The following ERBB4 variants were observed in gnomAD, a reference collection of about 807,000 sequenced individuals.
The protein encoded by ERBB4 is receptor tyrosine-protein kinase erbB-4.
ERBB4 carries 42 observed loss-of-function variants against 158.0 expected under a neutral mutation model. The observed-to-expected ratio is 0.27, with a 90% CI of 0.21 to 0.34. ERBB4 has a LOEUF of 0.34. ERBB4 is among the 10% of genes least tolerant of loss of function. ERBB4 has a pLI of 1.00. For synonymous variants in ERBB4, 583 were observed against 558.7 expected, an observed-to-expected ratio of 1.04 and a Z score of -0.61; for missense variants, 1,333 against 1,624.1, an observed-to-expected ratio of 0.82 and a Z score of 3.08.
chr2:211,580,504 T>C (rs2068035619), intron 19 of ERBB4, among the ~76,000 whole-genome samples: 1 of 151,644 alleles, frequency 6.6e-6, no homozygotes, highest in Admixed American at 6.6e-5. Context: ...TAATAATAGA[T>C]GTTGGCATGG....
Position 211,403,767 on chromosome 2 carries a change from C to T in ERBB4, c.3136-15775G>A, listed in dbSNP as rs916594868. On this transcript the variant is annotated intron_variant, in intron 25 of 27. Coordinates refer to ENST00000342788, the MANE Select transcript of ERBB4 (RefSeq NM_005235.3). ...TTCTCTGACTCAATCGGTTCTTCTG[C>T]CTTTTATTTTTTTCTGCTCCTCAAT... Among the ~76,000 whole-genome samples the T allele has an allele frequency of 4.6e-5, 7 of 152,056 alleles. No individual in the cohort carries two copies. The East Asian group carries it at 1.2e-3, about 25-fold the overall frequency.
At chr2:211,810,906 C>T (rs529490838) in intron 3 of ERBB4, among the ~76,000 whole-genome samples, 6 of 151,894 alleles carry the variant, frequency 4.0e-5, no homozygotes, top group African/African-American at 1.4e-4. Flanking sequence ...GATCTCCTGA[C>T]CTCATGATCC....
At chr2:211,419,572 A>ATTTACTACTTCTTCATGCTCCGTAC (rs2063471443) in intron 25 of ERBB4, among the ~76,000 whole-genome samples, 1 of 152,022 alleles carries the variant, frequency 6.6e-6, no homozygotes, top group Non-Finnish European at 1.5e-5. Context: ...ACAGACACAA[A>ATTTACTACTTCTTCATGCTCCGTAC]TTTACTACTT....
chr2:211,895,024 C>T (rs577353775), intron 3 of ERBB4, among the ~76,000 whole-genome samples: 16 of 152,234 alleles, frequency 1.1e-4, no homozygotes, highest in African/African-American at 3.4e-4. Flanking sequence ...ATAAAATGCT[C>T]TCTTATTCCT....
intron 18 of ERBB4, among the ~76,000 whole-genome samples, chr2:211,623,047 A>G (rs2069695083): frequency 9.4e-6 from 1 of 106,806 alleles, no homozygotes; most frequent in African/African-American, 3.5e-5. Context: ...ATATATATAA[A>G]ATGCCAAAGT....
chr2:212,443,293 T>A (rs2092289720), intron 1 of ERBB4, among the ~76,000 whole-genome samples: 1 of 152,226 alleles, frequency 6.6e-6, no homozygotes, highest in Admixed American at 6.5e-5. Context: ...ATTATGCTGA[T>A]TAGATCCAGT....
chr2:211,695,874 A>G (rs984671001), intron 12 of ERBB4, among the ~76,000 whole-genome samples: 2 of 152,156 alleles, frequency 1.3e-5, no homozygotes, highest in Non-Finnish European at 2.9e-5. Context: ...ACTATTTTTA[A>G]TAGGAAAATA....
intron 7 of ERBB4, among the ~76,000 whole-genome samples, chr2:211,720,994 T>C (rs2074072655): frequency 6.6e-6 from 1 of 152,174 alleles, no homozygotes; most frequent in Non-Finnish European, 1.5e-5. Flanking sequence ...CTGCCATTGG[T>C]GTGTCTGGCC....
intron 1 of ERBB4, among the ~76,000 whole-genome samples, chr2:212,187,363 C>A (rs903505150): frequency 6.6e-6 from 1 of 151,174 alleles, no homozygotes; most frequent in Non-Finnish European, 1.5e-5. Context: ...GCATGGCACA[C>A]GTATGTATGT....
At chr2:211,671,759 T>G (rs928575602) in intron 14 of ERBB4, among the ~76,000 whole-genome samples, 1 of 152,194 alleles carries the variant, frequency 6.6e-6, no homozygotes, top group South Asian at 2.1e-4. Context: ...AATATGTTCT[T>G]TTTTAAAGAC....
At chr2:212,465,565 A>G (rs2106091877) in intron 1 of ERBB4, among the ~76,000 whole-genome samples, 1 of 152,322 alleles carries the variant, frequency 6.6e-6, no homozygotes, top group Non-Finnish European at 1.5e-5. Context: ...TAGGATCACT[A>G]AAGCATATGA....
At chr2:211,886,910 T>C (rs2078816436) in intron 3 of ERBB4, among the ~76,000 whole-genome samples, 1 of 152,210 alleles carries the variant, frequency 6.6e-6, no homozygotes, top group South Asian at 2.1e-4. Flanking sequence ...GATGTGAGGA[T>C]TCACAGTGGG....
chr2:212,489,972 TCTAACAATATTATGTTCTA>T (rs1283290449), intron 1 of ERBB4, among the ~76,000 whole-genome samples: 2 of 151,832 alleles, frequency 1.3e-5, no homozygotes. Flanking sequence ...TCAGTGTGTT[TCTAACAATATTATGTTCTA>T]AGAATATTGA....
At chr2:212,355,239 TG>T (rs758809890) in intron 1 of ERBB4, among the ~76,000 whole-genome samples, 1 of 152,088 alleles carries the variant, frequency 6.6e-6, no homozygotes, top group African/African-American at 2.4e-5. Context: ...ACTACATCTT[TG>T]GTAAAATTAT....
At chr2:211,548,555 G>A (rs1014827635) in intron 20 of ERBB4, among the ~76,000 whole-genome samples, 3 of 152,072 alleles carry the variant, frequency 2.0e-5, no homozygotes, top group African/African-American at 7.2e-5. Context: ...GCGTCCACAA[G>A]TGTTGCAGTC....
intron 3 of ERBB4, among the ~76,000 whole-genome samples, chr2:211,849,847 GAATAGCACATTTTATGCACA>G (rs1359941028): frequency 6.6e-6 from 1 of 151,950 alleles, no homozygotes; most frequent in African/African-American, 2.4e-5. Flanking sequence ...ATGAGGTGGA[GAATAGCACATTTTATGCACA>G]AATAGCATGT....
At chr2:211,804,672 A>G (rs1336786614) in intron 3 of ERBB4, among the ~76,000 whole-genome samples, 2 of 152,120 alleles carry the variant, frequency 1.3e-5, no homozygotes, top group African/African-American at 2.4e-5. Context: ...TAATACCAAA[A>G]GACTTATGGG....
At chr2:211,596,031 A>C (rs947054644) in intron 19 of ERBB4, among the ~76,000 whole-genome samples, 2 of 152,194 alleles carry the variant, frequency 1.3e-5, no homozygotes, top group Non-Finnish European at 1.5e-5. Flanking sequence ...AATATTGACA[A>C]GTAACTCCAA....
intron 3 of ERBB4, among the ~76,000 whole-genome samples, chr2:211,899,626 C>G (rs1559627127): frequency 6.6e-6 from 1 of 152,018 alleles, no homozygotes; most frequent in Non-Finnish European, 1.5e-5. Context: ...GTTCATGTCT[C>G]TAGTGATATG....
Sources: allele counts gnomAD v4.1 joint callset (sites outside exome capture counted in the v4.1 genomes callset), GRCh38; gene constraint gnomAD v4.1.1; transcripts MANE v1.5; gene names NCBI Gene and HGNC (gene_info 2026-07-23, HGNC 2026-07-21).